Variants in ABCA12 observed in about 807,000 individuals in gnomAD.
ABCA12 encodes the protein ATP binding cassette subfamily A member 12, also known as glucosylceramide transporter ABCA12.
Under a neutral mutation model 293.5 loss-of-function variants are expected in ABCA12, and 156 were observed. That is an observed-to-expected ratio of 0.53 (90% confidence interval 0.47 to 0.61). ABCA12 has a LOEUF of 0.61. Ranked by LOEUF, ABCA12 falls within the 20% of genes least tolerant of loss-of-function variation. The pLI is 0.00. For missense variants in ABCA12, 2,797 were observed against 3,090.2 expected (o/e 0.91, Z 2.25); for synonymous variants, 1,063 against 1,108.0 (o/e 0.96, Z 0.81).
At chr2:215,086,398 G>A (rs1387191193) in intron 2 of ABCA12, among the ~76,000 whole-genome samples, 1 of 152,184 alleles carries the variant, frequency 6.6e-6, no homozygotes, top group Admixed American at 6.5e-5. Context: ...CCTTTGCATG[G>A]AAATGCTTCT....
intron 18 of ABCA12, 96 bp from the exon 19 acceptor site, chr2:215,007,942 A>C: frequency 1.3e-6 from 2 of 1,496,366 alleles, no homozygotes; most frequent in Non-Finnish European, 1.8e-6. Flanking sequence ...TAACTTCAAA[A>C]GACAGTTCTA....
At chr2:214,972,535 G>C (rs1009779078) in intron 36 of ABCA12, among the ~76,000 whole-genome samples, 2 of 151,976 alleles carry the variant, frequency 1.3e-5, no homozygotes, top group Non-Finnish European at 2.9e-5. Context: ...GCCCCACCAA[G>C]TAGCTGGGAC....
chr2:214,942,189 A>AAATC (rs1425759604), intron 50 of ABCA12, among the ~76,000 whole-genome samples: 5 of 152,328 alleles, frequency 3.3e-5, no homozygotes, highest in African/African-American at 9.6e-5. Flanking sequence ...AATAAATATT[A>AAATC]AATCAATGTG....
rs76579384 is a variant in ABCA12, at chr2:215,001,791, G to T, written c.2684-54C>A. The stretch of plus-strand genomic sequence containing the variant: ...AAAAATTATGGTCCTGATTCTGGTC[G>T]TAATTAGATGAAATACTGATTTTTT... On this transcript the variant is annotated intron_variant, in intron 20 of 52. Coordinates refer to ENST00000272895, the MANE Select transcript of ABCA12 (RefSeq NM_173076.3). 1,800 of 1,482,472 alleles carry T rather than the reference G, an allele frequency of 1.2e-3. 17 individuals are homozygous for T. In the African/African-American group the frequency reaches 0.022, roughly 18 times the overall value. The allele number at this position is 1,482,472 out of a possible 1,614,324, so 91.8% of individuals were successfully genotyped here.
At chr2:215,034,702 G>A (rs1700954263) in intron 8 of ABCA12, among the ~76,000 whole-genome samples, 1 of 152,222 alleles carries the variant, frequency 6.6e-6, no homozygotes, top group Admixed American at 6.5e-5. Flanking sequence ...CACAGGCCAA[G>A]CACCCAGCCT....
At chr2:215,093,220 G>A (rs1702183992) in intron 2 of ABCA12, among the ~76,000 whole-genome samples, 2 of 152,154 alleles carry the variant, frequency 1.3e-5, no homozygotes, top group African/African-American at 2.4e-5. Flanking sequence ...TCTCCCTGCT[G>A]ATCATGTCCG....
At chr2:215,130,648 G>A (rs1703033494) in intron 1 of ABCA12, among the ~76,000 whole-genome samples, 1 of 151,942 alleles carries the variant, frequency 6.6e-6, no homozygotes, top group African/African-American at 2.4e-5. Context: ...GGGTTTTTTA[G>A]GTATATGATC....
At position 214,955,335 on chromosome 2, in the gene ABCA12, A is replaced by G. The variant is rs1698911779; in HGVS notation, c.6260T>C (p.Leu2087Ser). 1 of 1,614,170 alleles carries G rather than the reference A, an allele frequency of 6.2e-7. No homozygotes were observed. The highest frequency in any genetic ancestry group is 8.5e-7 in the Non-Finnish European group (1 of 1,180,010). ...TGTTTCATGGAAGAGCCCAGCCAGC[A>G]AGTACATCCAGGAAAATGTTGCATA... is the stretch of plus-strand genomic sequence containing the variant. Reference protein sequence around the residue: ...FGYATFSWMYLLAGLFHETGM... With the variant: ...FGYATFSWMYSLAGLFHETGM... Residue 2087 changes from leucine to serine, a missense_variant, in exon 43 of 53, where the codon TTG becomes TCG. Around this residue, in one of 3 missense-constraint regions of ABCA12, gnomAD observed 2,130 missense variants for 2,427.0 expected, o/e 0.88. Transcript: ENST00000272895.
chr2:214,945,021 G>A lies in ABCA12; in HGVS notation c.7323C>T (p.Ser2441=), dbSNP rs767987074. 5.2e-5 allele frequency: 84 copies of A among 1,613,312 alleles called. No homozygotes were observed. In the South Asian group the frequency reaches 8.1e-4, roughly 16 times the overall value. ...IISEEVQNKC[S]VILTSHSMEE... is the part of the protein sequence containing the mutation. ...TTTACCTGTGAGATGTGAGGATGAC[G>A]GAACATTTGTTCTGTACTTCTTCTG... Residue 2441 remains serine, a synonymous_variant, in exon 49 of 53, where the codon TCC becomes TCT. Transcript: ENST00000272895.
intron 2 of ABCA12, among the ~76,000 whole-genome samples, chr2:215,099,789 GC>G (rs1199955387): frequency 6.6e-6 from 1 of 152,002 alleles, no homozygotes; most frequent in Non-Finnish European, 1.5e-5. Context: ...TTGTTATAGA[GC>G]AACAGATAAC....
chr2:215,004,044 C>A (rs1700200593), intron 20 of ABCA12, among the ~76,000 whole-genome samples, 165 bp downstream of exon 20: 1 of 152,038 alleles, frequency 6.6e-6, no homozygotes. Context: ...GTACAACTAA[C>A]TGGGAAGAAG....
intron 31 of ABCA12, among the ~76,000 whole-genome samples, chr2:214,979,875 A>G (rs74385302): frequency 1.8e-3 from 270 of 152,344 alleles, no homozygotes; most frequent in African/African-American, 6.2e-3. Context: ...ACTTCCTAAT[A>G]GCATATACAT....
At chr2:215,096,362 G>A (rs1004759503) in intron 2 of ABCA12, among the ~76,000 whole-genome samples, 2 of 152,114 alleles carry the variant, frequency 1.3e-5, no homozygotes, top group African/African-American at 4.8e-5. Context: ...AAAGGCCCAG[G>A]GGTTTGATCA....
At chr2:214,964,878 T>C (rs181567847) in intron 39 of ABCA12, among the ~76,000 whole-genome samples, 1 of 152,262 alleles carries the variant, frequency 6.6e-6, no homozygotes, top group Non-Finnish European at 1.5e-5. Context: ...AAAAAAATTT[T>C]AAAATTCATA....
At chr2:215,065,225 T>A (rs1266510093) in intron 2 of ABCA12, among the ~76,000 whole-genome samples, 1 of 120,882 alleles carries the variant, frequency 8.3e-6, no homozygotes, top group Non-Finnish European at 1.6e-5. Flanking sequence ...ACACAGACAA[T>A]GAACTTTCAA....
intron 1 of ABCA12, among the ~76,000 whole-genome samples, chr2:215,114,551 G>A (rs1023974337): frequency 6.6e-6 from 1 of 152,112 alleles, no homozygotes; most frequent in African/African-American, 2.4e-5. Flanking sequence ...ATACATAGGA[G>A]GCCAGGATTC....
At chr2:214,980,437 C>T in intron 31 of ABCA12, 46 bp downstream of exon 31, 1 of 1,610,456 alleles carries the variant, frequency 6.2e-7, no homozygotes, top group Non-Finnish European at 8.5e-7. Flanking sequence ...TCATATAAAA[C>T]TTAATTTATG....
At chr2:214,933,625 C>T (rs539865099) in intron 52 of ABCA12, among the ~76,000 whole-genome samples, 27 of 152,146 alleles carry the variant, frequency 1.8e-4, no homozygotes, top group African/African-American at 6.0e-4. Flanking sequence ...GTACGTTGAA[C>T]GGAAAGGATT....
intron 19 of ABCA12, chr2:215,004,696 T>G: frequency 5.2e-6 from 1 of 191,964 alleles, no homozygotes; most frequent in Non-Finnish European, 1.1e-5. Context: ...AAAATCATGA[T>G]GTCTCCGTGG....
Sources: allele counts gnomAD v4.1 joint callset (sites outside exome capture counted in the v4.1 genomes callset), GRCh38; gene constraint gnomAD v4.1.1; regional missense constraint gnomAD v4.1.1; transcripts MANE v1.5; gene names NCBI Gene and HGNC (gene_info 2026-07-23, HGNC 2026-07-21).